The following ANKS1B variants were observed in gnomAD, a reference collection of about 807,000 sequenced individuals.
ANKS1B encodes the protein ankyrin repeat and sterile alpha motif domain containing 1B.
ANKS1B carries 36 observed loss-of-function variants against 148.3 expected under a neutral mutation model. The ratio of observed to expected loss-of-function variants is 0.24; its 90% CI spans 0.19 to 0.32. The LOEUF (loss-of-function observed/expected upper bound fraction) is 0.32, where lower values mean the gene tolerates loss of function less well. ANKS1B is among the 10% of genes least tolerant of loss of function. The probability of loss-of-function intolerance (pLI) is 1.00; values close to 1 mark genes in which losing one functional copy is unlikely to be tolerated. For synonymous variants in ANKS1B, 542 were observed against 560.8 expected (o/e 0.97, Z 0.47); for missense variants, 1,157 against 1,542.6 (o/e 0.75, Z 4.19).
intron 17 of ANKS1B, among the ~76,000 whole-genome samples, chr12:98,994,934 A>G (rs1175087623): frequency 6.6e-6 from 1 of 152,172 alleles, no homozygotes; most frequent in Non-Finnish European, 1.5e-5. Flanking sequence ...TTGTTGGAGG[A>G]TAAAATTCAA....
At position 98,759,364 on chromosome 12, in the gene ANKS1B, G is replaced by C. The variant is rs112413529; in HGVS notation, c.3580-7842C>G. 3.7e-3 allele frequency among the ~76,000 whole-genome samples: 567 copies of C among 152,254 alleles called. 1 individual carries two copies. The highest frequency in any genetic ancestry group is 0.013 in the African/African-American group (547 of 41,550). On this transcript the variant is annotated intron_variant, in intron 25 of 26. Coordinates refer to ENST00000683438, the MANE Select transcript of ANKS1B (RefSeq NM_001352186.2). The stretch of plus-strand genomic sequence containing the variant: ...AGACAATGTCCAGGAAGTGATCACT[G>C]AATGACATGGGGGAGTAAAAGTGTC...
At chr12:99,241,141 A>G (rs1274879247) in intron 14 of ANKS1B, among the ~76,000 whole-genome samples, 2 of 152,204 alleles carry the variant, frequency 1.3e-5, no homozygotes, top group African/African-American at 2.4e-5. Context: ...CAAAATTGAT[A>G]TACCACTAGC....
At chr12:98,831,766 T>G in intron 18 of ANKS1B, 1 of 413,348 alleles carries the variant, frequency 2.4e-6, no homozygotes, top group Non-Finnish European at 4.5e-6. Context: ...ATAAAATAAT[T>G]CTTTTATTTT....
rs9651923 is a variant in ANKS1B at position 99,220,892 on chromosome 12, T to C, written c.2419+23450A>G. On this transcript the variant is annotated intron_variant, in intron 14 of 26. Coordinates refer to ENST00000683438, the MANE Select transcript of ANKS1B (RefSeq NM_001352186.2). ...AACAGTAAATTACATAGATCAAATA[T>C]AGAAAAACCCAAACCATAAAAGTAC... Among the ~76,000 whole-genome samples the C allele has an allele frequency of 5.0e-3, 764 of 152,212 alleles. 9 individuals are homozygous for C. Among genetic ancestry groups the C allele is most frequent in the African/African-American group, 0.018 (745 of 41,534 alleles).
intron 10 of ANKS1B, among the ~76,000 whole-genome samples, chr12:99,458,490 T>A (rs768390937): frequency 6.8e-6 from 1 of 146,984 alleles, no homozygotes; most frequent in Admixed American, 6.7e-5. Context: ...TTTGAAAAGA[T>A]AAATAAAATT....
At chr12:98,794,479 T>G in intron 22 of ANKS1B, 3 of 393,518 alleles carry the variant, frequency 7.6e-6, no homozygotes, top group Non-Finnish European at 1.4e-5. Context: ...CCCATGGGGG[T>G]TCAACATGTG....
intron 17 of ANKS1B, among the ~76,000 whole-genome samples, chr12:99,012,306 A>C (rs1568355003): frequency 6.6e-6 from 1 of 152,260 alleles, no homozygotes; most frequent in Non-Finnish European, 1.5e-5. Flanking sequence ...GCTAGTAAAC[A>C]GTCAAGGCAG....
intron 17 of ANKS1B, among the ~76,000 whole-genome samples, chr12:99,039,516 T>C (rs1170420772): frequency 6.6e-6 from 1 of 152,168 alleles, no homozygotes; most frequent in Non-Finnish European, 1.5e-5. Context: ...CCCACACAAA[T>C]ACAAGGGCTG....
rs560381341 is a variant in ANKS1B, at chr12:99,190,118, G to GAATTAAGTTAA, written c.2420-35724_2420-35723insTTAACTTAATT. ...GCTACAAAGAGAATAAAATACCTAGGAATACAACTTACAAGGGATGTGAAG... is the reference window on the plus strand; with the variant it reads ...GCTACAAAGAGAATAAAATACCTAGGAATTAAGTTAAAATACAACTTACAAGGGATGTGAAG... On this transcript the variant is annotated intron_variant, in intron 14 of 26. Transcript: ENST00000683438. Among the ~76,000 whole-genome samples, 425 of 152,182 alleles carry GAATTAAGTTAA rather than the reference G, an allele frequency of 2.8e-3. 1 individual carries two copies. Among genetic ancestry groups the GAATTAAGTTAA allele is most frequent in the African/African-American group, 9.8e-3 (405 of 41,522 alleles).
Position 98,954,607 on chromosome 12 carries a change from A to C in ANKS1B, c.2778+98550T>G, listed in dbSNP as rs189112206. Among the ~76,000 whole-genome samples, 221 of 152,344 alleles carry C rather than the reference A, an allele frequency of 1.5e-3. 1 individual carries two copies. The highest frequency in any genetic ancestry group is 5.1e-3 in the African/African-American group (213 of 41,586). On this transcript the variant is annotated intron_variant, in intron 17 of 26. Transcript: ENST00000683438. ...ATTTCACAATTGCATTTTGTGTCTG[A>C]AAAACATATGAGGTTTTGCTAAGCT...
intron 9 of ANKS1B, among the ~76,000 whole-genome samples, chr12:99,526,518 T>C (rs1411057493): frequency 2.0e-5 from 3 of 152,118 alleles, no homozygotes; most frequent in Non-Finnish European, 4.4e-5. Flanking sequence ...GCCTGCCTCT[T>C]GGTGTCATGC....
At chr12:99,209,012 T>C (rs1474381566) in intron 14 of ANKS1B, among the ~76,000 whole-genome samples, 1 of 152,190 alleles carries the variant, frequency 6.6e-6, no homozygotes, top group Non-Finnish European at 1.5e-5. Context: ...TAAGAATTAC[T>C]CTCTTTATAA....
chr12:99,290,031 A>G (rs2079715268), intron 12 of ANKS1B, among the ~76,000 whole-genome samples: 1 of 151,810 alleles, frequency 6.6e-6, no homozygotes, highest in South Asian at 2.1e-4. Context: ...TTTTAGCCAG[A>G]CTAAGAAAAA....
chr12:99,731,034 T>C (rs903040773), intron 8 of ANKS1B, among the ~76,000 whole-genome samples: 19 of 152,178 alleles, frequency 1.2e-4, no homozygotes, highest in Non-Finnish European at 5.9e-5. Context: ...CCTCCCAGGC[T>C]CAAGTGATTC....
intron 1 of ANKS1B, among the ~76,000 whole-genome samples, chr12:99,860,715 A>G (rs550876617): frequency 6.6e-6 from 1 of 152,318 alleles, no homozygotes; most frequent in East Asian, 1.9e-4. Context: ...ATTGGGAATG[A>G]AAGTGAATAC....
intron 17 of ANKS1B, among the ~76,000 whole-genome samples, chr12:98,856,389 A>G (rs2099571885): frequency 6.6e-6 from 1 of 152,214 alleles, no homozygotes; most frequent in Non-Finnish European, 1.5e-5. Context: ...TAGCTCTAAT[A>G]TGTACAGGTT....
At chr12:98,792,866 A>G (rs956514979) in intron 22 of ANKS1B, among the ~76,000 whole-genome samples, 1 of 152,182 alleles carries the variant, frequency 6.6e-6, no homozygotes, top group Non-Finnish European at 1.5e-5. Flanking sequence ...GATGGACACA[A>G]TTTTAAATAA....
intron 17 of ANKS1B, among the ~76,000 whole-genome samples, chr12:98,992,139 C>T (rs1332936662): frequency 6.6e-6 from 1 of 152,184 alleles, no homozygotes; most frequent in African/African-American, 2.4e-5. Flanking sequence ...AACTTATCTT[C>T]CTGACATTCA....
intron 17 of ANKS1B, among the ~76,000 whole-genome samples, chr12:98,844,992 G>T (rs1272670082): frequency 1.3e-5 from 2 of 152,120 alleles, no homozygotes; most frequent in East Asian, 1.9e-4. Context: ...GGATCCAAAA[G>T]AAATCAATTG....
Sources: allele counts gnomAD v4.1 joint callset (sites outside exome capture counted in the v4.1 genomes callset), GRCh38; gene constraint gnomAD v4.1.1; transcripts MANE v1.5; gene names NCBI Gene and HGNC (gene_info 2026-07-23, HGNC 2026-07-21).